Variants in AIG1 observed in about 807,000 individuals in gnomAD.
AIG1 encodes androgen induced 1.
AIG1 carries 23 observed loss-of-function variants against 31.4 expected under a neutral mutation model. That is an observed-to-expected ratio of 0.73 (90% confidence interval 0.53 to 1.04). The LOEUF is 1.04. Among genes scored for constraint, AIG1 ranks in the 50% least tolerant of loss-of-function variants. AIG1 has a pLI of 0.00. For synonymous variants in AIG1, 100 were observed against 110.5 expected (o/e 0.90, Z 0.60); for missense variants, 274 against 295.0 (o/e 0.93, Z 0.52).
At position 143,333,238 on chromosome 6, in the gene AIG1, T is replaced by C; in HGVS notation, c.516-44T>C. 1 of 1,552,206 alleles carries C rather than the reference T, an allele frequency of 6.4e-7. No homozygotes were observed. Among genetic ancestry groups the C allele is most frequent in the Non-Finnish European group, 8.7e-7 (1 of 1,149,386 alleles). On this transcript the variant is annotated intron_variant, in intron 4 of 5. Coordinates refer to ENST00000357847, the MANE Select transcript of AIG1 (RefSeq NM_016108.4). This position sits in a 1 kb window ranked among gnomAD's most constrained non-coding sequence, Gnocchi z 4.6. ...ATCATAGCAGCTTTGATGCCTGCCA[T>C]AAGAGTGACTCCTGTCCTTGTCTCC...
intron 3 of AIG1, among the ~76,000 whole-genome samples, chr6:143,195,704 G>A (rs938438620): frequency 6.6e-6 from 1 of 152,016 alleles, no homozygotes; most frequent in Admixed American, 6.6e-5. Flanking sequence ...TTAGGGAGGA[G>A]GAGTGCAGGG....
intron 3 of AIG1, among the ~76,000 whole-genome samples, chr6:143,237,579 C>T (rs1793903334): frequency 6.6e-6 from 1 of 152,122 alleles, no homozygotes; most frequent in Non-Finnish European, 1.5e-5. Flanking sequence ...ATGTCCTGGC[C>T]AAATCATTGA....
chr6:143,341,445 A>T (rs1777851802), downstream of AIG1, among the ~76,000 whole-genome samples: 2 of 152,144 alleles, frequency 1.3e-5, no homozygotes, highest in African/African-American at 4.8e-5. Flanking sequence ...CTGTTTTTGG[A>T]GACAGGGCCT....
chr6:143,203,399 A>C (rs1790855936), intron 3 of AIG1, among the ~76,000 whole-genome samples: 1 of 152,208 alleles, frequency 6.6e-6, no homozygotes, highest in African/African-American at 2.4e-5. Context: ...GTTAAATTAC[A>C]TTCAAGAAAG....
At chr6:143,193,261 A>G (rs944294071) in intron 3 of AIG1, among the ~76,000 whole-genome samples, 2 of 152,154 alleles carry the variant, frequency 1.3e-5, no homozygotes, top group Non-Finnish European at 2.9e-5. Context: ...AGCTGTTTCC[A>G]CTTCTCCTCT....
intron 1 of AIG1, among the ~76,000 whole-genome samples, chr6:143,106,683 A>G (rs556741249): frequency 6.6e-6 from 1 of 152,360 alleles, no homozygotes; most frequent in South Asian, 2.1e-4. Flanking sequence ...CAGTTTAGCA[A>G]CCTTGACCTT....
chr6:143,197,982 C>A (rs916895049), intron 3 of AIG1, among the ~76,000 whole-genome samples: 3 of 152,180 alleles, frequency 2.0e-5, no homozygotes, highest in African/African-American at 7.2e-5. Context: ...CAGGACTTTC[C>A]TATCAATGTC....
intron 1 of AIG1, among the ~76,000 whole-genome samples, chr6:143,068,916 T>A (rs893815954): frequency 6.6e-6 from 1 of 152,240 alleles, no homozygotes; most frequent in African/African-American, 2.4e-5. Flanking sequence ...GATATTTGAC[T>A]TTTCAGTCAT....
At position 143,340,427 on chromosome 6, in the gene AIG1, AAAT is replaced by A. The variant is rs1452225339; in HGVS notation, c.*752_*754del. 2 of 151,778 alleles carry A rather than the reference AAAT, an allele frequency of 1.3e-5. No homozygotes were observed. Among genetic ancestry groups the A allele is most frequent in the African/African-American group, 4.9e-5 (2 of 41,210 alleles). The allele number at this position is 151,778 out of a possible 1,614,324, so 9.4% of individuals were successfully genotyped here. On this transcript the variant is annotated 3_prime_UTR_variant, in exon 6 of 6. Coordinates refer to ENST00000357847, the MANE Select transcript of AIG1 (RefSeq NM_016108.4). The stretch of plus-strand genomic sequence containing the variant: ...TTTCCTATAATTTTTGGATTTTAAA[AAAT>A]GTGAATCTTTTTGATAACTCCAAAA...
rs1484965051 is a variant in AIG1, at chr6:143,288,137, C to T, written c.515+3912C>T. Among the ~76,000 whole-genome samples, 1 of 152,134 alleles carries T rather than the reference C, an allele frequency of 6.6e-6. No individual in the cohort carries two copies. The highest frequency in any genetic ancestry group is 1.5e-5 in the Non-Finnish European group (1 of 68,032). On this transcript the variant is annotated intron_variant, in intron 4 of 5. Coordinates refer to ENST00000357847, the MANE Select transcript of AIG1 (RefSeq NM_016108.4). The surrounding 1 kb of genome is among the most constrained non-coding windows in gnomAD (Gnocchi z 4.4). ...GGGGCTGAATCTTTTCCCGGGCTGG[C>T]TCCACCCTCACTTCCAAGCACCTGG...
chr6:143,059,236 A>G (rs1229770155), upstream of AIG1, among the ~76,000 whole-genome samples: 1 of 152,202 alleles, frequency 6.6e-6, no homozygotes, highest in Non-Finnish European at 1.5e-5. Flanking sequence ...GTCCCCTTTC[A>G]TGCTGTGGAA....
intron 3 of AIG1, 98 bp downstream of exon 3, chr6:143,165,281 G>A: frequency 1.1e-6 from 1 of 925,394 alleles, no homozygotes; most frequent in South Asian, 1.5e-5. Flanking sequence ...TGCCTAAAAA[G>A]CCATGAAATC....
intron 3 of AIG1, among the ~76,000 whole-genome samples, chr6:143,214,837 T>C (rs1791891212): frequency 6.6e-6 from 1 of 152,180 alleles, no homozygotes; most frequent in African/African-American, 2.4e-5. Context: ...TGCTGCTCCC[T>C]CATATTGGAA....
At chr6:143,332,917 A>G (rs757739387) in intron 4 of AIG1, among the ~76,000 whole-genome samples, 8 of 152,214 alleles carry the variant, frequency 5.3e-5, no homozygotes, top group Admixed American at 2.0e-4. Flanking sequence ...GGATCCTGGA[A>G]CAGAGAAAGG....
chr6:143,194,825 C>G (rs1213216601), intron 3 of AIG1, among the ~76,000 whole-genome samples: 1 of 152,178 alleles, frequency 6.6e-6, no homozygotes, highest in Non-Finnish European at 1.5e-5. Context: ...GCTCTCTGGG[C>G]ACATCTGCAG....
intron 3 of AIG1, among the ~76,000 whole-genome samples, chr6:143,222,630 C>G (rs1295386215): frequency 6.6e-6 from 1 of 152,148 alleles, no homozygotes; most frequent in Non-Finnish European, 1.5e-5. Context: ...CTCTCTGCTA[C>G]CAATTTCTTT....
At chr6:143,332,751 A>G (rs1777180122) in intron 4 of AIG1, among the ~76,000 whole-genome samples, 1 of 152,214 alleles carries the variant, frequency 6.6e-6, no homozygotes, top group African/African-American at 2.4e-5. Flanking sequence ...AAAGTCAGCC[A>G]TTTCAAATAC....
intron 3 of AIG1, among the ~76,000 whole-genome samples, chr6:143,215,926 C>T (rs777212680): frequency 6.6e-5 from 10 of 152,108 alleles, no homozygotes; most frequent in Non-Finnish European, 1.3e-4. Context: ...AATTCAAAAG[C>T]AGCCACAGAC....
intron 1 of AIG1, among the ~76,000 whole-genome samples, chr6:143,110,451 C>A (rs926935113): frequency 6.6e-6 from 1 of 152,140 alleles, no homozygotes; most frequent in African/African-American, 2.4e-5. Flanking sequence ...GTAGATGCCT[C>A]CATTTCTTAA....
Sources: gnomAD v4.1 joint callset for allele counts (sites outside exome capture counted in the v4.1 genomes callset) on GRCh38, gnomAD v4.1.1 for gene constraint, Gnocchi (gnomAD v3.1) non-coding constraint, MANE v1.5 for transcripts, NCBI Gene and HGNC (gene_info 2026-07-23, HGNC 2026-07-21) for gene names.